GTF3C1: variants seen among roughly 807,000 people sequenced by gnomAD.
The protein encoded by GTF3C1 is general transcription factor 3C polypeptide 1.
In GTF3C1, 57 loss-of-function variants were observed where a neutral mutation model predicts 226.7. That is an observed-to-expected ratio of 0.25 (90% CI 0.20 to 0.31). The LOEUF is 0.31. Ranked by LOEUF, GTF3C1 falls within the 10% of genes least tolerant of loss-of-function variation. The pLI is 1.00. For missense variants in GTF3C1, 2,217 were observed against 2,776.1 expected (o/e 0.80, Z 4.53); for synonymous variants, 1,090 against 1,084.8 (o/e 1.00, Z -0.09).
rs1368193550 is a variant in GTF3C1 at position 27,502,852 on chromosome 16, T to G, written c.1907+7A>C. Reference sequence around the variant, plus strand: ...GCAGACAGACAGACAGACAGACAGCTCCTTACGTGAATAAACTCTCGATTA... The same window carrying G: ...GCAGACAGACAGACAGACAGACAGCGCCTTACGTGAATAAACTCTCGATTA... On this transcript the variant is annotated splice_region_variant and intron_variant, in intron 11 of 36. Transcript: ENST00000356183. 1.3e-6 allele frequency: 2 copies of G among 1,560,406 alleles called. No homozygotes were observed. Among genetic ancestry groups the G allele is most frequent in the Non-Finnish European group, 1.7e-6 (2 of 1,151,182 alleles).
At chr16:27,485,577 GGAGA>G (rs1567392234) in intron 24 of GTF3C1, among the ~76,000 whole-genome samples, 2 of 152,352 alleles carry the variant, frequency 1.3e-5, no homozygotes, top group East Asian at 3.9e-4. Flanking sequence ...CTACTGGTGA[GGAGA>G]GAGAAAGAAC....
In GTF3C1 at chr16:27,470,803, A is replaced by G. The variant is rs1259972166; in HGVS notation, c.4527-408T>C. On this transcript the variant is annotated intron_variant, in intron 30 of 36. Transcript: ENST00000356183. The surrounding 1 kb of genome is among the most constrained non-coding windows in gnomAD (Gnocchi z 4.9). ...ACATGTGCCCAAGCTGTCTCCACGC[A>G]GTGCCTGGTGAGTCACTTCCCCGGC... is the stretch of plus-strand genomic sequence containing the variant. The G allele has an allele frequency of 4.8e-6, 1 of 207,200 alleles. No homozygotes were observed. The highest frequency in any genetic ancestry group is 9.9e-6 in the Non-Finnish European group (1 of 101,150). The allele number at this position is 207,200 out of a possible 1,614,324, so 12.8% of individuals were successfully genotyped here.
At chr16:27,544,118 G>A (rs190662608) in intron 2 of GTF3C1, among the ~76,000 whole-genome samples, 6 of 152,266 alleles carry the variant, frequency 3.9e-5, no homozygotes, top group East Asian at 3.9e-4. Flanking sequence ...ACAGGGGGCC[G>A]TTGCTCACAC....
Position 27,489,104 on chromosome 16 carries a change from A to C in GTF3C1, c.3368T>G (p.Phe1123Cys). 2 of 1,614,050 alleles carry C rather than the reference A, an allele frequency of 1.2e-6. No individual in the cohort carries two copies. The highest frequency in any genetic ancestry group is 1.7e-6 in the Non-Finnish European group (2 of 1,179,920). ...GLGAAGLDSS[F>C]YGHLKRNWIW... is the part of the protein sequence containing the mutation. ...CCAGTTGCGCTTGAGGTGTCCGTAG[A>C]AGCTGGAATCGAGCCCTGCGGCACC... Residue 1123 changes from phenylalanine (F) to cysteine (C), a missense_variant, in exon 21 of 37, where the codon TTC (phenylalanine) becomes TGC (cysteine). Coordinates refer to ENST00000356183, the MANE Select transcript of GTF3C1 (RefSeq NM_001520.4).
chr16:27,495,677 C>G (rs1271968198), intron 14 of GTF3C1, among the ~76,000 whole-genome samples, 185 bp from the exon 15 acceptor site: 1 of 152,156 alleles, frequency 6.6e-6, no homozygotes, highest in African/African-American at 2.4e-5. Flanking sequence ...TCTAAAATAG[C>G]CCATCAGACG....
At chr16:27,534,450 C>A (rs927789588) in intron 4 of GTF3C1, among the ~76,000 whole-genome samples, 6 of 152,186 alleles carry the variant, frequency 3.9e-5, no homozygotes, top group African/African-American at 1.4e-4. Context: ...ACTTCCCCAT[C>A]TGTACTGCTT....
In GTF3C1 at chr16:27,507,985, T is replaced by A. The variant is rs192153536; in HGVS notation, c.1242+555A>T. ...TGACTGTCCCCATGTGGGAGTAGGC[T>A]CCCGGGGTGGCCACATCACCTTCTG... On this transcript the variant is annotated intron_variant, in intron 8 of 36. Coordinates refer to ENST00000356183, the MANE Select transcript of GTF3C1 (RefSeq NM_001520.4). The surrounding 1 kb of genome is among the most constrained non-coding windows in gnomAD (Gnocchi z 4.9). 2.5e-4 allele frequency among the ~76,000 whole-genome samples: 38 copies of A among 152,336 alleles called. No individual in the cohort carries two copies. Among genetic ancestry groups the A allele is most frequent in the Admixed American group, 7.8e-4 (12 of 15,304 alleles).
chr16:27,489,582 C>T lies in GTF3C1; in HGVS notation c.3293+20G>A, dbSNP rs369959505. The T allele has an allele frequency of 2.1e-5, 34 of 1,590,048 alleles. No individual in the cohort carries two copies. Among genetic ancestry groups the T allele is most frequent in the East Asian group, 2.0e-4 (9 of 44,594 alleles). ...ACCGCAGCCCAGTCCTGGCCGGCCGCGCTTGGGACGGACACGCACGTGGTG... is the reference window on the plus strand; with the variant it reads ...ACCGCAGCCCAGTCCTGGCCGGCCGTGCTTGGGACGGACACGCACGTGGTG... On this transcript the variant is annotated intron_variant, in intron 20 of 36. Transcript: ENST00000356183.
intron 25 of GTF3C1, chr16:27,483,403 AG>A (rs1190410749): frequency 1.0e-5 from 6 of 577,150 alleles, no homozygotes; most frequent in Non-Finnish European, 1.6e-5. Context: ...TGTCTCTCAC[AG>A]GGGTTTGTCC....
At chr16:27,489,302 C>G (rs1302640927) in intron 20 of GTF3C1, 124 bp from the exon 21 acceptor site, 2 of 1,079,114 alleles carry the variant, frequency 1.9e-6, no homozygotes, top group African/African-American at 3.2e-5. Context: ...AAACACCCCA[C>G]AGGTAGCAAT....
chr16:27,499,408 T>C (rs982742943), intron 12 of GTF3C1, among the ~76,000 whole-genome samples: 6 of 152,130 alleles, frequency 3.9e-5, no homozygotes, highest in Non-Finnish European at 7.4e-5. Flanking sequence ...ACCAGCCATG[T>C]TGTGGCAGGT....
At chr16:27,477,494 G>A (rs1382317628) in intron 28 of GTF3C1, among the ~76,000 whole-genome samples, 3 of 152,054 alleles carry the variant, frequency 2.0e-5, no homozygotes, top group Admixed American at 6.5e-5. Flanking sequence ...AAGTAGAGAC[G>A]GGGTTTCACC....
chr16:27,485,609 C>G (rs1369771992), intron 24 of GTF3C1, among the ~76,000 whole-genome samples: 1 of 152,188 alleles, frequency 6.6e-6, no homozygotes, highest in African/African-American at 2.4e-5. Context: ...AACTAGTTTG[C>G]CTGCAGCTAG....
intron 2 of GTF3C1, among the ~76,000 whole-genome samples, chr16:27,542,555 C>T (rs571181185): frequency 5.2e-4 from 78 of 150,844 alleles, no homozygotes; most frequent in African/African-American, 1.9e-3. Flanking sequence ...GAGCAAAACC[C>T]CGCCTCAAAA....
rs1289760796 is a variant in GTF3C1, at chr16:27,464,382, G to C, written c.5810C>G (p.Ser1937Cys). 1.3e-6 allele frequency: 2 copies of C among 1,590,772 alleles called. No homozygotes were observed. The highest frequency in any genetic ancestry group is 4.5e-5 in the East Asian group (2 of 44,082). Residue 1937 changes from serine (S) to cysteine (C), a missense_variant, in exon 34 of 37, where the codon TCC becomes TGC. Physicochemically the swap from Ser to Cys is moderately radical, Grantham distance 112 (BLOSUM62 -1). Around this residue, in one of 12 missense-constraint regions of GTF3C1, gnomAD observed 455 missense variants for 441.9 expected, o/e 1.03. Transcript: ENST00000356183. ...GCCGCTCAGCTGCTCTTGGCCTGGGGAACTGAACTCACCGACACCCTCTTG... is the reference window on the plus strand; with the variant it reads ...GCCGCTCAGCTGCTCTTGGCCTGGGCAACTGAACTCACCGACACCCTCTTG... Reference protein sequence around the residue: ...EDQEGVGEFSSPGQEQLSGQA... With the variant: ...EDQEGVGEFSCPGQEQLSGQA...
At chr16:27,516,393 A>C (rs2088658901) in intron 6 of GTF3C1, among the ~76,000 whole-genome samples, 2 of 152,210 alleles carry the variant, frequency 1.3e-5, no homozygotes. Flanking sequence ...AACTGGGCCC[A>C]GCGTGAGGCG....
intron 1 of GTF3C1, among the ~76,000 whole-genome samples, chr16:27,548,291 A>G (rs540384200): frequency 1.3e-5 from 2 of 151,924 alleles, no homozygotes; most frequent in South Asian, 4.2e-4. Context: ...TTTTTGAGAC[A>G]GAGTCTCACT....
At chr16:27,513,798 C>T (rs2088612960) in intron 6 of GTF3C1, among the ~76,000 whole-genome samples, 1 of 152,204 alleles carries the variant, frequency 6.6e-6, no homozygotes, top group African/African-American at 2.4e-5. Context: ...TTCATCAGCA[C>T]ATCGATGCAC....
Position 27,528,631 on chromosome 16 carries a change from G to T in GTF3C1, c.940C>A (p.His314Asn), listed in dbSNP as rs2088868295. 3 of 1,611,630 alleles carry T rather than the reference G, an allele frequency of 1.9e-6. No individual in the cohort carries two copies. The highest frequency in any genetic ancestry group is 2.5e-6 in the Non-Finnish European group (3 of 1,177,780). Residue 314 changes from histidine to asparagine, a missense_variant, in exon 6 of 37, where the codon CAC (histidine) becomes AAC (asparagine). His to Asn is a moderately conservative substitution (Grantham distance 68). Transcript: ENST00000356183. ...KVVSLRLQEIHPECGPCKTKK... is the reference protein window; with the variant it reads ...KVVSLRLQEINPECGPCKTKK... Reference sequence around the variant, plus strand: ...GTCTTACAAGGTCCACATTCAGGGTGGATCTCTTGCAAGCGAAGAGACACC... The same window carrying T: ...GTCTTACAAGGTCCACATTCAGGGTTGATCTCTTGCAAGCGAAGAGACACC...
Sources: allele counts gnomAD v4.1 joint callset (sites outside exome capture counted in the v4.1 genomes callset), GRCh38; gene constraint gnomAD v4.1.1; regional missense constraint gnomAD v4.1.1; non-coding constraint Gnocchi (gnomAD v3.1); transcripts MANE v1.5; gene names NCBI Gene and HGNC (gene_info 2026-07-23, HGNC 2026-07-21).